Variants in GABBR2 observed in about 807,000 individuals in gnomAD.
GABBR2 encodes gamma-aminobutyric acid type B receptor subunit 2.
Under a neutral mutation model 105.6 loss-of-function variants are expected in GABBR2, and 23 were observed. The ratio of observed to expected loss-of-function variants is 0.22; its 90% confidence interval spans 0.16 to 0.31. The LOEUF (loss-of-function observed/expected upper bound fraction) is 0.31, where lower values mean the gene tolerates loss of function less well. Ranked by LOEUF, GABBR2 falls within the 10% of genes least tolerant of loss-of-function variation. GABBR2 has a pLI of 1.00. For synonymous variants in GABBR2, 478 were observed against 499.7 expected (o/e 0.96, Z 0.58); for missense variants, 734 against 1,245.5 (o/e 0.59, Z 6.18).
At chr9:98,414,025 G>T (rs1316852956) in intron 7 of GABBR2, among the ~76,000 whole-genome samples, 1 of 152,232 alleles carries the variant, frequency 6.6e-6, no homozygotes. Context: ...CCTATGATGT[G>T]CCAGACAGGC....
At chr9:98,349,895 G>A (rs574927318) in intron 13 of GABBR2, among the ~76,000 whole-genome samples, 2 of 152,154 alleles carry the variant, frequency 1.3e-5, no homozygotes, top group Admixed American at 6.5e-5. Context: ...TTTCTTTGTT[G>A]GGAGACTTCT....
chr9:98,306,166 G>A lies in GABBR2; in HGVS notation c.2184C>T (p.Ile728=). 1.2e-6 allele frequency: 2 copies of A among 1,614,212 alleles called. No homozygotes were observed. The highest frequency in any genetic ancestry group is 2.2e-5 in the South Asian group (2 of 91,088). Residue 728 remains isoleucine (I), a synonymous_variant, in exon 15 of 19, where the codon ATC becomes ATT. Transcript: ENST00000259455. The surrounding 1 kb of genome is among the most constrained non-coding windows in gnomAD (Gnocchi z 5.4). ...AGAGGGTGATGGTGCTGCAGAAGATGATGACCAGAGCCACGATGCAGAACT... is the reference window on the plus strand; with the variant it reads ...AGAGGGTGATGGTGCTGCAGAAGATAATGACCAGAGCCACGATGCAGAACT... ...NVQFCIVALV[I]IFCSTITLCL... is the part of the protein sequence containing the mutation.
At chr9:98,536,143 A>G (rs1828175857) in intron 3 of GABBR2, among the ~76,000 whole-genome samples, 1 of 152,176 alleles carries the variant, frequency 6.6e-6, no homozygotes, top group African/African-American at 2.4e-5. Context: ...AAAATCCTCT[A>G]AAATTAGTCT....
intron 2 of GABBR2, among the ~76,000 whole-genome samples, chr9:98,566,110 G>C (rs1226389937): frequency 1.3e-5 from 2 of 152,198 alleles, no homozygotes; most frequent in Non-Finnish European, 2.9e-5. Flanking sequence ...AGCAGGACGA[G>C]AGCTGGCGAA....
chr9:98,650,363 C>T (rs1830088338), intron 1 of GABBR2, among the ~76,000 whole-genome samples: 1 of 152,170 alleles, frequency 6.6e-6, no homozygotes, highest in African/African-American at 2.4e-5. Context: ...AAGAATAGTA[C>T]TCATCTCATA....
At chr9:98,358,175 A>T (rs914715212) in intron 13 of GABBR2, among the ~76,000 whole-genome samples, 1 of 152,222 alleles carries the variant, frequency 6.6e-6, no homozygotes, top group Non-Finnish European at 1.5e-5. Context: ...GTGAACACCC[A>T]GGCTTGGGTC....
intron 1 of GABBR2, among the ~76,000 whole-genome samples, chr9:98,636,048 G>A (rs377190428): frequency 2.6e-5 from 4 of 152,108 alleles, no homozygotes; most frequent in African/African-American, 9.7e-5. Flanking sequence ...GACAGGAGTC[G>A]CAGATCTCAC....
intron 1 of GABBR2, among the ~76,000 whole-genome samples, chr9:98,583,702 C>T (rs980501268): frequency 2.6e-5 from 4 of 152,230 alleles, no homozygotes; most frequent in African/African-American, 4.8e-5. Flanking sequence ...GTCACCAAAT[C>T]ACTGGGGAAC....
At chr9:98,449,236 A>T (rs1826191141) in intron 7 of GABBR2, among the ~76,000 whole-genome samples, 1 of 151,928 alleles carries the variant, frequency 6.6e-6, no homozygotes, top group African/African-American at 2.4e-5. Flanking sequence ...CCTAAGCGAA[A>T]CCGTCTTTCC....
chr9:98,306,168 T>C lies in GABBR2; in HGVS notation c.2182A>G (p.Ile728Val), dbSNP rs1395287863. 6.2e-7 allele frequency: 1 copy of C among 1,614,188 alleles called. No homozygotes were observed. Among genetic ancestry groups the C allele is most frequent in the Admixed American group, 1.7e-5 (1 of 60,018 alleles). ...AGGGTGATGGTGCTGCAGAAGATGA[T>C]GACCAGAGCCACGATGCAGAACTGC... is the stretch of plus-strand genomic sequence containing the variant. ...NVQFCIVALV[I>V]IFCSTITLCL... Residue 728 changes from isoleucine (I) to valine (V), a missense_variant, in exon 15 of 19, where the codon ATC (isoleucine) becomes GTC (valine). By Grantham distance (29) the Ile-to-Val change is conservative. Around this residue, in one of 7 missense-constraint regions of GABBR2, gnomAD observed 91 missense variants for 185.9 expected, o/e 0.49. Transcript: ENST00000259455. This position sits in a 1 kb window ranked among gnomAD's most constrained non-coding sequence, Gnocchi z 5.4.
At chr9:98,508,585 G>C (rs181270950) in intron 3 of GABBR2, among the ~76,000 whole-genome samples, 1,761 of 152,292 alleles carry the variant, frequency 0.012, 37 homozygotes, top group African/African-American at 0.04. Flanking sequence ...CTTTTCCAAC[G>C]GGCTTAAAAA....
intron 13 of GABBR2, among the ~76,000 whole-genome samples, chr9:98,332,813 G>A (rs1358856730): frequency 6.6e-6 from 1 of 152,248 alleles, no homozygotes; most frequent in African/African-American, 2.4e-5. Context: ...CGGAAATCAT[G>A]CAGGCCCTGA....
intron 13 of GABBR2, among the ~76,000 whole-genome samples, chr9:98,354,743 G>T (rs1432632300): frequency 6.6e-6 from 1 of 152,150 alleles, no homozygotes; most frequent in African/African-American, 2.4e-5. Context: ...TGGCTGGTTT[G>T]ATCTTTTATC....
At chr9:98,550,227 A>G (rs1828464932) in intron 2 of GABBR2, among the ~76,000 whole-genome samples, 1 of 152,236 alleles carries the variant, frequency 6.6e-6, no homozygotes, top group South Asian at 2.1e-4. Context: ...ATGGATAAGA[A>G]AACCGAGGCT....
rs567126283 is a variant in GABBR2, at chr9:98,423,915, T to C, written c.1237-17774A>G. Among the ~76,000 whole-genome samples the C allele has an allele frequency of 3.5e-4, 53 of 152,338 alleles. No homozygotes were observed. In the East Asian group the frequency reaches 7.5e-3, roughly 22 times the overall value. ...AGGTTTGTCAAAGATCAGATAGTTG[T>C]AGATATGCGGCGTTATTTCTGAGGG... On this transcript the variant is annotated intron_variant, in intron 7 of 18. Coordinates refer to ENST00000259455, the MANE Select transcript of GABBR2 (RefSeq NM_005458.8).
chr9:98,647,998 A>T (rs1024787073), intron 1 of GABBR2, among the ~76,000 whole-genome samples: 1 of 151,652 alleles, frequency 6.6e-6, no homozygotes, highest in Non-Finnish European at 1.5e-5. Context: ...AGCAAAAGGA[A>T]AGAAACCTGC....
intron 7 of GABBR2, among the ~76,000 whole-genome samples, chr9:98,427,325 T>G (rs962279862): frequency 2.0e-5 from 3 of 152,200 alleles, no homozygotes; most frequent in Non-Finnish European, 2.9e-5. Flanking sequence ...CTATGGCTCT[T>G]CTAAGCCCTC....
intron 7 of GABBR2, among the ~76,000 whole-genome samples, chr9:98,444,651 T>C (rs1484507587): frequency 6.8e-6 from 1 of 147,638 alleles, no homozygotes; most frequent in East Asian, 1.9e-4. Flanking sequence ...TTGTTGTTTA[T>C]TACTAGCAAT....
intron 17 of GABBR2, among the ~76,000 whole-genome samples, chr9:98,297,409 G>A (rs183304735): frequency 6.6e-6 from 1 of 150,398 alleles, no homozygotes; most frequent in Non-Finnish European, 1.5e-5. Context: ...TCAGGAGTTC[G>A]AGACCAGCCT....
Sources: allele counts gnomAD v4.1 joint callset (sites outside exome capture counted in the v4.1 genomes callset), GRCh38; gene constraint gnomAD v4.1.1; regional missense constraint gnomAD v4.1.1; non-coding constraint Gnocchi (gnomAD v3.1); transcripts MANE v1.5; gene names NCBI Gene and HGNC (gene_info 2026-07-23, HGNC 2026-07-21).